DNAH6: variants seen among roughly 807,000 people sequenced by gnomAD.
DNAH6 encodes dynein axonemal heavy chain 6.
A neutral mutation model predicts 491.4 loss-of-function variants in DNAH6; 340 were observed. That is an observed-to-expected ratio of 0.69 (90% CI 0.63 to 0.76). DNAH6 has a LOEUF of 0.76. Among genes scored for constraint, DNAH6 ranks in the 30% least tolerant of loss-of-function variants. The pLI is 0.00. For missense variants in DNAH6, 4,443 were observed against 4,972.2 expected (o/e 0.89, Z 3.20); for synonymous variants, 1,603 against 1,686.1 (o/e 0.95, Z 1.21).
chr2:84,668,056 C>G (rs1387322249), intron 37 of DNAH6, among the ~76,000 whole-genome samples: 1 of 151,874 alleles, frequency 6.6e-6, no homozygotes, highest in Non-Finnish European at 1.5e-5. Flanking sequence ...CACTTGGACA[C>G]AGGGTGGGGA....
chr2:84,605,704 G>C (rs1189229746), intron 20 of DNAH6, 112 bp downstream of exon 20: 1 of 636,866 alleles, frequency 1.6e-6, no homozygotes, highest in Non-Finnish European at 2.6e-6. Context: ...CACTTAATAA[G>C]AAAAATCTAA....
chr2:84,735,803 A>G (rs901590678), intron 62 of DNAH6, among the ~76,000 whole-genome samples: 24 of 152,110 alleles, frequency 1.6e-4, no homozygotes, highest in African/African-American at 5.8e-4. Flanking sequence ...TTGCAAATAT[A>G]TTCTCCCATT....
At chr2:84,624,718 A>T in intron 28 of DNAH6, 98 bp downstream of exon 28, 1 of 1,358,666 alleles carries the variant, frequency 7.4e-7, no homozygotes, top group African/African-American at 1.5e-5. Context: ...GAAAGAATTT[A>T]TTATGAATAC....
At chr2:84,565,343 G>GT (rs1254912111) in intron 11 of DNAH6, among the ~76,000 whole-genome samples, 11 of 149,510 alleles carry the variant, frequency 7.4e-5, no homozygotes, top group Non-Finnish European at 1.0e-4. Flanking sequence ...TTTTTTTGTA[G>GT]TTTTTTTATA....
Position 84,784,804 on chromosome 2 carries a change from T to G in DNAH6, c.10947T>G (p.Ser3649=). 1 of 1,545,996 alleles carries G rather than the reference T, an allele frequency of 6.5e-7. No individual in the cohort carries two copies. The highest frequency in any genetic ancestry group is 1.2e-5 in the South Asian group (1 of 83,906). Residue 3649 remains serine (S), a synonymous_variant, in exon 66 of 77, where the codon TCT becomes TCG. Transcript: ENST00000389394. ...TTCCTGTTACAGTTCTTCAAAATTC[T>G]GTCAAGGTAATGTATGCATATGGTT... ...NTFPVTVLQN[S]VKVTNEPPKG... is the part of the protein sequence containing the mutation.
At chr2:84,580,807 C>T (rs2018321) in intron 14 of DNAH6, among the ~76,000 whole-genome samples, 44,131 of 151,992 alleles carry the variant, frequency 0.29, 7,323 homozygotes, top group East Asian at 0.64. Flanking sequence ...AGGGATCCTA[C>T]TTAAGGATTC....
intron 33 of DNAH6, among the ~76,000 whole-genome samples, chr2:84,652,705 G>T (rs1295501256): frequency 6.6e-6 from 1 of 151,932 alleles, no homozygotes; most frequent in African/African-American, 2.4e-5. Context: ...TATCACAAAT[G>T]TATTTGTGTA....
chr2:84,582,569 A>C (rs1002733757), intron 14 of DNAH6, among the ~76,000 whole-genome samples: 15 of 152,126 alleles, frequency 9.9e-5, no homozygotes. Flanking sequence ...CTCCTGCCTC[A>C]GCCTCCTGAG....
chr2:84,537,632 T>C (rs1228242589), intron 4 of DNAH6, among the ~76,000 whole-genome samples: 1 of 152,046 alleles, frequency 6.6e-6, no homozygotes, highest in Non-Finnish European at 1.5e-5. Context: ...AGTTTTAACA[T>C]TTAGTTGTAT....
chr2:84,719,400 T>C (rs977856682), intron 59 of DNAH6, among the ~76,000 whole-genome samples: 4 of 152,258 alleles, frequency 2.6e-5, no homozygotes, highest in Non-Finnish European at 5.9e-5. Context: ...TGAAATATTC[T>C]ACAAGGCTTA....
the DNAH6 span, among the ~76,000 whole-genome samples, chr2:84,463,280 C>T: frequency 1.3e-5 from 2 of 152,130 alleles, no homozygotes; most frequent in African/African-American, 4.8e-5. Flanking sequence ...CCCTTCCTTC[C>T]CAGCTGCAGG....
chr2:84,569,987 A>C (rs960459053), intron 11 of DNAH6, among the ~76,000 whole-genome samples: 5 of 152,130 alleles, frequency 3.3e-5, no homozygotes, highest in Non-Finnish European at 7.4e-5. Context: ...CTGTCTGTTG[A>C]AATAGGCTAC....
rs1676907409 is a variant in DNAH6, at chr2:84,529,130, C to A, written c.626C>A (p.Pro209Gln). 1 of 1,548,972 alleles carries A rather than the reference C, an allele frequency of 6.5e-7. No homozygotes were observed. Among genetic ancestry groups the A allele is most frequent in the South Asian group, 1.2e-5 (1 of 83,968 alleles). ...LGFLYMIPAVPRSSIEYDTYN... is the reference protein window; with the variant it reads ...LGFLYMIPAVQRSSIEYDTYN... ...TTTCTTTATATGATCCCTGCAGTGC[C>A]AAGATCATCCATTGAATATGATACA... The change falls in exon 4 of 77, where the codon CCA becomes CAA. Residue 209 changes from proline to glutamine, a missense_variant. Coordinates refer to ENST00000389394, the MANE Select transcript of DNAH6 (RefSeq NM_001370.2).
In DNAH6 at chr2:84,552,906, T is replaced by C. The variant is rs1281781195; in HGVS notation, c.1486-12T>C. On this transcript the variant is annotated splice_polypyrimidine_tract_variant and intron_variant, in intron 9 of 76. Coordinates refer to ENST00000389394, the MANE Select transcript of DNAH6 (RefSeq NM_001370.2). Reference sequence around the variant, plus strand: ...TTGTGTCTTTATAACACTGTACATATATTCATTTCAGGGGACCCTTATGGT... The same window carrying C: ...TTGTGTCTTTATAACACTGTACATACATTCATTTCAGGGGACCCTTATGGT... 3.9e-6 allele frequency: 6 copies of C among 1,531,490 alleles called. No individual in the cohort carries two copies. The African/African-American group carries it at 4.1e-5, about 11-fold the overall frequency. The allele number at this position is 1,531,490 out of a possible 1,614,324, so 94.9% of individuals were successfully genotyped here. A position where few individuals can be genotyped will look rare whatever the true frequency, so the allele number is the denominator to read the frequency against.
At chr2:84,642,821 A>G (rs779245010) in intron 33 of DNAH6, among the ~76,000 whole-genome samples, 3 of 152,308 alleles carry the variant, frequency 2.0e-5, no homozygotes, top group Middle Eastern at 3.4e-3. Flanking sequence ...ATGAGCACAC[A>G]TAAGCACATA....
chr2:84,737,973 A>T (rs565413912), intron 62 of DNAH6, among the ~76,000 whole-genome samples: 1 of 151,736 alleles, frequency 6.6e-6, no homozygotes, highest in Non-Finnish European at 1.5e-5. Flanking sequence ...TAACTTCTCG[A>T]TGTAGTTTTT....
chr2:84,652,605 C>T (rs1690555735), intron 33 of DNAH6, among the ~76,000 whole-genome samples: 2 of 151,990 alleles, frequency 1.3e-5, no homozygotes, highest in Admixed American at 1.3e-4. Flanking sequence ...TCCTGCCTTT[C>T]TTAGAAAGAC....
chr2:84,734,151 T>A (rs1699342422), intron 62 of DNAH6, among the ~76,000 whole-genome samples: 2 of 150,008 alleles, frequency 1.3e-5, no homozygotes, highest in Non-Finnish European at 3.0e-5. Flanking sequence ...CTACACTTTT[T>A]TTTTTTTTTT....
At chr2:84,745,950 C>A (rs760655963) in intron 63 of DNAH6, among the ~76,000 whole-genome samples, 5 of 152,096 alleles carry the variant, frequency 3.3e-5, no homozygotes, top group Non-Finnish European at 2.9e-5. Context: ...TTATGACAGT[C>A]TGAATTAAGA....
Sources: gnomAD v4.1 joint callset for allele counts (sites outside exome capture counted in the v4.1 genomes callset) on GRCh38, gnomAD v4.1.1 for gene constraint, MANE v1.5 for transcripts, NCBI Gene and HGNC (gene_info 2026-07-23, HGNC 2026-07-21) for gene names.